Variants in NTM observed in about 807,000 individuals in gnomAD.
NTM encodes the protein IgLON family member 2.
In NTM, 13 loss-of-function variants were observed where a neutral mutation model predicts 42.1. The observed-to-expected ratio is 0.31, with a 90% CI of 0.20 to 0.49. The LOEUF is 0.49. Ranked by LOEUF, NTM falls within the 20% of genes least tolerant of loss-of-function variation. The probability of loss-of-function intolerance (pLI) is 0.99; values close to 1 mark genes in which losing one functional copy is unlikely to be tolerated. For synonymous variants in NTM, 187 were observed against 179.2 expected, an observed-to-expected ratio of 1.04 and a Z score of -0.35; for missense variants, 373 against 452.8, an observed-to-expected ratio of 0.82 and a Z score of 1.60.
chr11:131,793,434 A>G (rs1273879250), intron 1 of NTM, among the ~76,000 whole-genome samples: 1 of 152,214 alleles, frequency 6.6e-6, no homozygotes, highest in African/African-American at 2.4e-5. Flanking sequence ...CACTGTGCCC[A>G]ATACTTTACT....
At chr11:132,313,608 C>CAAAGG (rs2095341483) in intron 6 of NTM, among the ~76,000 whole-genome samples, 1 of 152,280 alleles carries the variant, frequency 6.6e-6, no homozygotes, top group East Asian at 1.9e-4. Flanking sequence ...CGGAATCTTG[C>CAAAGG]AAAGGAAAGT....
At chr11:132,104,903 G>A (rs2062099543) in intron 2 of NTM, among the ~76,000 whole-genome samples, 2 of 135,238 alleles carry the variant, frequency 1.5e-5, no homozygotes, top group Middle Eastern at 4.0e-3. Flanking sequence ...GAGTAACACA[G>A]GGAGATCCTC....
intron 3 of NTM, among the ~76,000 whole-genome samples, chr11:132,160,079 T>C (rs1566333196): frequency 6.6e-6 from 1 of 152,194 alleles, no homozygotes; most frequent in Non-Finnish European, 1.5e-5. Context: ...TTCTCCCACC[T>C]TGTTTTTCTA....
At chr11:132,275,278 C>T (rs750219745) in intron 4 of NTM, among the ~76,000 whole-genome samples, 79 of 152,066 alleles carry the variant, frequency 5.2e-4, no homozygotes, top group Non-Finnish European at 8.1e-4. Context: ...CATCCTAGAA[C>T]GTGTATTGAA....
intron 3 of NTM, among the ~76,000 whole-genome samples, chr11:132,203,699 G>A (rs1304211547): frequency 6.6e-6 from 1 of 152,110 alleles, no homozygotes; most frequent in African/African-American, 2.4e-5. Flanking sequence ...AGACCATCCT[G>A]GCTAACACGG....
intron 1 of NTM, among the ~76,000 whole-genome samples, chr11:131,754,286 A>G (rs1293955693): frequency 1.4e-5 from 2 of 140,674 alleles, no homozygotes; most frequent in African/African-American, 6.0e-5. Context: ...GTATAATTTA[A>G]AAAAAAAAGA....
chr11:131,542,211 G>C (rs1393699549), intron 1 of NTM, among the ~76,000 whole-genome samples: 2 of 152,228 alleles, frequency 1.3e-5, no homozygotes, highest in Non-Finnish European at 2.9e-5. Context: ...ACCCGGCACA[G>C]CTCGGAAGGT....
At chr11:131,829,171 G>A (rs1340773118) in intron 1 of NTM, among the ~76,000 whole-genome samples, 1 of 151,076 alleles carries the variant, frequency 6.6e-6, no homozygotes. Context: ...CTGTTTAAGA[G>A]TCACTTAAAA....
intron 1 of NTM, among the ~76,000 whole-genome samples, chr11:131,847,646 G>A (rs1009223735): frequency 2.0e-5 from 3 of 152,004 alleles, no homozygotes; most frequent in African/African-American, 7.3e-5. Context: ...AATCAGTCCA[G>A]GTTTGATGAA....
At chr11:131,826,673 AT>A (rs34071893) in intron 1 of NTM, among the ~76,000 whole-genome samples, 2 of 151,932 alleles carry the variant, frequency 1.3e-5, no homozygotes, top group African/African-American at 4.8e-5. Flanking sequence ...GCAGGGAGGA[AT>A]TTTTTCATTT....
chr11:131,810,924 T>G (rs1281721501), intron 1 of NTM, among the ~76,000 whole-genome samples: 1 of 152,208 alleles, frequency 6.6e-6, no homozygotes, highest in Admixed American at 6.5e-5. Context: ...TGTGTTGCAG[T>G]CAGCTTATGG....
intron 3 of NTM, among the ~76,000 whole-genome samples, chr11:132,195,597 A>G (rs2080077916): frequency 6.6e-6 from 1 of 152,210 alleles, no homozygotes. Flanking sequence ...TGGTGATGTT[A>G]CAAAAACAGA....
At position 131,389,757 on chromosome 11, in the gene NTM, C is replaced by G. The variant is rs561186467; in HGVS notation, c.82+18869C>G. On this transcript the variant is annotated intron_variant, in intron 1 of 8. Transcript: ENST00000683400. ...GTAAGGCTGGGTGTGCTGTAACTGG[C>G]TGCGTTACAAATAGGAACTCCCCTG... Among the ~76,000 whole-genome samples the G allele has an allele frequency of 1.6e-4, 24 of 152,304 alleles. No individual in the cohort carries two copies. The South Asian group carries it at 5.0e-3, about 32-fold the overall frequency.
chr11:132,290,004 A>G (rs2094400254), intron 4 of NTM, among the ~76,000 whole-genome samples: 1 of 152,248 alleles, frequency 6.6e-6, no homozygotes. Context: ...AGTTTAAGCC[A>G]GGAAAGGAAG....
chr11:131,554,491 C>A (rs781105175), intron 1 of NTM, among the ~76,000 whole-genome samples: 1 of 150,020 alleles, frequency 6.7e-6, no homozygotes, highest in Non-Finnish European at 1.5e-5. Context: ...TGCAAATAAT[C>A]TTTCTTTATA....
At chr11:131,386,399 G>T (rs1442427324) in intron 1 of NTM, among the ~76,000 whole-genome samples, 1 of 152,174 alleles carries the variant, frequency 6.6e-6, no homozygotes, top group Non-Finnish European at 1.5e-5. Flanking sequence ...ACATAATATT[G>T]TGAACATACT....
intron 1 of NTM, among the ~76,000 whole-genome samples, chr11:131,645,953 C>G (rs1384963487): frequency 1.3e-5 from 2 of 152,196 alleles, no homozygotes. Flanking sequence ...AACCAAGAAT[C>G]TAAAGTATGA....
At chr11:131,389,012 C>CAAAA (rs71475749) in intron 1 of NTM, among the ~76,000 whole-genome samples, 1 of 98,334 alleles carries the variant, frequency 1.0e-5, no homozygotes, top group African/African-American at 3.8e-5. Context: ...GACTTCATCA[C>CAAAA]AAAAAAAAAA....
intron 1 of NTM, among the ~76,000 whole-genome samples, chr11:131,621,032 A>C (rs1429456288): frequency 6.6e-6 from 1 of 152,242 alleles, no homozygotes; most frequent in Non-Finnish European, 1.5e-5. Flanking sequence ...TTGTAATTGT[A>C]TGTTGAAAGA....
Sources: allele counts gnomAD v4.1 joint callset (sites outside exome capture counted in the v4.1 genomes callset), GRCh38; gene constraint gnomAD v4.1.1; transcripts MANE v1.5; gene names NCBI Gene and HGNC (gene_info 2026-07-23, HGNC 2026-07-21).